ADAMTS12: variants seen among roughly 807,000 people sequenced by gnomAD.
ADAMTS12 encodes A disintegrin and metalloproteinase with thrombospondin motifs 12.
Under a neutral mutation model 167.8 loss-of-function variants are expected in ADAMTS12, and 118 were observed. The observed-to-expected ratio is 0.70, with a 90% CI of 0.61 to 0.82. ADAMTS12 has a LOEUF of 0.82. Among genes scored for constraint, ADAMTS12 ranks in the 40% least tolerant of loss-of-function variants. The probability of loss-of-function intolerance (pLI) is 0.00; values close to 1 mark genes in which losing one functional copy is unlikely to be tolerated. For synonymous variants in ADAMTS12, 704 were observed against 716.9 expected (o/e 0.98, Z 0.29); for missense variants, 1,916 against 1,998.8 (o/e 0.96, Z 0.79).
intron 2 of ADAMTS12, among the ~76,000 whole-genome samples, chr5:33,842,574 G>A (rs1748784274): frequency 6.6e-6 from 1 of 152,212 alleles, no homozygotes; most frequent in South Asian, 2.1e-4. Flanking sequence ...GCTGAAATTA[G>A]CACAAAGCTT....
chr5:33,649,626 C>T lies in ADAMTS12; in HGVS notation c.1262G>A (p.Arg421His), dbSNP rs550821902. Residue 421 changes from arginine (R) to histidine (H), a missense_variant, in exon 8 of 24, where the codon CGC becomes CAC. Physicochemically the swap from Arg to His is conservative, Grantham distance 29 (BLOSUM62 0). Transcript: ENST00000504830. Reference sequence around the variant, plus strand: ...CGGAGTGGGATCGTACTGGAGCTGGCGGGACATGATGTACGGATGTCTGCC... The same window carrying T: ...CGGAGTGGGATCGTACTGGAGCTGGTGGGACATGATGTACGGATGTCTGCC... ...PVGRHPYIMS[R>H]QLQYDPTPLT... The T allele has an allele frequency of 2.4e-5, 38 of 1,613,960 alleles. No homozygotes were observed. The highest frequency in any genetic ancestry group is 2.2e-4 in the Admixed American group (13 of 60,028).
intron 19 of ADAMTS12, among the ~76,000 whole-genome samples, chr5:33,565,538 A>G (rs2111908377): frequency 6.6e-6 from 1 of 152,338 alleles, no homozygotes; most frequent in Non-Finnish European, 1.5e-5. Flanking sequence ...ACTCTTGCCA[A>G]ATGTGGAGTT....
chr5:33,859,375 T>G lies in ADAMTS12; in HGVS notation c.489+21744A>C, dbSNP rs569656054. On this transcript the variant is annotated intron_variant, in intron 2 of 23. Coordinates refer to ENST00000504830, the MANE Select transcript of ADAMTS12 (RefSeq NM_030955.4). ...TGAGTAGGTGGTTTTCCCCTCACAG[T>G]GTAAACAAAGCTGCCAGGAAGATCA... Among the ~76,000 whole-genome samples, 3 of 152,318 alleles carry G rather than the reference T, an allele frequency of 2.0e-5. No homozygotes were observed. The South Asian group carries it at 6.2e-4, about 32-fold the overall frequency.
chr5:33,535,757 G>A (rs1744370179), intron 22 of ADAMTS12, among the ~76,000 whole-genome samples: 1 of 152,152 alleles, frequency 6.6e-6, no homozygotes, highest in African/African-American at 2.4e-5. Context: ...GCTGGGGATT[G>A]GATGTGAGGA....
intron 2 of ADAMTS12, among the ~76,000 whole-genome samples, chr5:33,783,133 A>G (rs904716443): frequency 6.6e-6 from 1 of 152,044 alleles, no homozygotes; most frequent in Non-Finnish European, 1.5e-5. Context: ...TTGAGAAATT[A>G]AACAATAAAC....
At chr5:33,703,804 C>T (rs1311532842) in intron 3 of ADAMTS12, among the ~76,000 whole-genome samples, 1 of 152,092 alleles carries the variant, frequency 6.6e-6, no homozygotes, top group East Asian at 1.9e-4. Context: ...TGAGCTTCTG[C>T]ACTAGGCCCA....
chr5:33,837,865 T>C (rs1463327377), intron 2 of ADAMTS12, among the ~76,000 whole-genome samples: 1 of 152,222 alleles, frequency 6.6e-6, no homozygotes, highest in Non-Finnish European at 1.5e-5. Context: ...AGATTTTCTG[T>C]TGAGCAAGCC....
rs140078265 is a variant in ADAMTS12, at chr5:33,524,366, A to G, written c.*2822T>C. On this transcript the variant is annotated 3_prime_UTR_variant, in exon 24 of 24. Coordinates refer to ENST00000504830, the MANE Select transcript of ADAMTS12 (RefSeq NM_030955.4). ...GAAGAGCTAAATATACTACTGTGAA[A>G]GACAACGTAAACCAAACTGGGTTTT... 2.3e-4 allele frequency: 35 copies of G among 152,340 alleles called. No individual in the cohort carries two copies. Among genetic ancestry groups the G allele is most frequent in the African/African-American group, 7.9e-4 (33 of 41,572 alleles). The allele number at this position is 152,340 out of a possible 1,614,324, so 9.4% of individuals were successfully genotyped here. A position where few individuals can be genotyped will look rare whatever the true frequency, so the allele number is the denominator to read the frequency against.
chr5:33,525,620 C>G lies in ADAMTS12; in HGVS notation c.*1568G>C, dbSNP rs953547401. ...TTCTGCCACCATCTAGATATTAGCA[C>G]CATTTTTTTAATAGCACCATTCTGC... On this transcript the variant is annotated 3_prime_UTR_variant, in exon 24 of 24. Transcript: ENST00000504830. The G allele has an allele frequency of 6.6e-6, 1 of 152,106 alleles. No individual in the cohort carries two copies. Among genetic ancestry groups the G allele is most frequent in the Non-Finnish European group, 1.5e-5 (1 of 68,026 alleles). 9.4% of individuals were successfully genotyped at this position (152,106 alleles called of 1,614,324 possible).
intron 2 of ADAMTS12, among the ~76,000 whole-genome samples, chr5:33,793,130 T>C (rs1212810356): frequency 6.6e-6 from 1 of 152,238 alleles, no homozygotes; most frequent in Non-Finnish European, 1.5e-5. Flanking sequence ...TCTTCCTCAA[T>C]TACGGCTATC....
chr5:33,806,734 G>A (rs999938489), intron 2 of ADAMTS12, among the ~76,000 whole-genome samples: 1 of 152,140 alleles, frequency 6.6e-6, no homozygotes, highest in Non-Finnish European at 1.5e-5. Context: ...TGGGGAGGAG[G>A]GGAGTTTACA....
chr5:33,565,797 C>G (rs914448756), intron 19 of ADAMTS12, among the ~76,000 whole-genome samples: 1 of 150,194 alleles, frequency 6.7e-6, no homozygotes, highest in East Asian at 2.0e-4. Flanking sequence ...ATAATCAAAA[C>G]GTGTTAATTA....
chr5:33,678,618 G>C (rs769476214), intron 5 of ADAMTS12, among the ~76,000 whole-genome samples: 12 of 152,234 alleles, frequency 7.9e-5, no homozygotes, highest in South Asian at 2.1e-4. Flanking sequence ...CAAGACCAGA[G>C]GCAGGCCTTG....
At chr5:33,745,446 A>T (rs535374317) in intron 3 of ADAMTS12, among the ~76,000 whole-genome samples, 1 of 152,286 alleles carries the variant, frequency 6.6e-6, no homozygotes, top group East Asian at 1.9e-4. Context: ...GGTGAAACTG[A>T]TCCTTTGCTC....
intron 2 of ADAMTS12, among the ~76,000 whole-genome samples, chr5:33,832,211 G>C (rs975506055): frequency 7.9e-5 from 12 of 152,334 alleles, no homozygotes; most frequent in African/African-American, 2.9e-4. Flanking sequence ...GTTGGTGATT[G>C]AAATAATTAG....
Position 33,826,572 on chromosome 5 carries a change from ATGTG to A in ADAMTS12, c.489+54543_489+54546del, listed in dbSNP as rs1167799671. Among the ~76,000 whole-genome samples, 327 of 70,188 alleles carry A rather than the reference ATGTG, an allele frequency of 4.7e-3. 3 individuals carry two copies. Among genetic ancestry groups the A allele is most frequent in the African/African-American group, 0.016 (322 of 20,176 alleles). 46.0% of individuals were successfully genotyped at this position (70,188 alleles called of 152,430 possible). A position where few individuals can be genotyped will look rare whatever the true frequency, so the allele number is the denominator to read the frequency against. ...AACAGAAATATGTTTATGTATGTGTATGTGTGTGTGTGTGTATATATATATATAT... is the reference window on the plus strand; with the variant it reads ...AACAGAAATATGTTTATGTATGTGTATGTGTGTGTGTATATATATATATAT... On this transcript the variant is annotated intron_variant, in intron 2 of 23. Transcript: ENST00000504830.
Position 33,879,168 on chromosome 5 carries a change from G to A in ADAMTS12, c.489+1951C>T, listed in dbSNP as rs140865279. On this transcript the variant is annotated intron_variant, in intron 2 of 23. Coordinates refer to ENST00000504830, the MANE Select transcript of ADAMTS12 (RefSeq NM_030955.4). Reference sequence around the variant, plus strand: ...CTTTAAGTGGGTTAACCGTATATATGTGAATTATATCTCAGTAAAGCAGCT... The same window carrying A: ...CTTTAAGTGGGTTAACCGTATATATATGAATTATATCTCAGTAAAGCAGCT... 7.1e-3 allele frequency among the ~76,000 whole-genome samples: 1,076 copies of A among 152,236 alleles called. 15 individuals are homozygous for A. The highest frequency in any genetic ancestry group is 0.025 in the African/African-American group (1,032 of 41,538).
intron 2 of ADAMTS12, among the ~76,000 whole-genome samples, chr5:33,780,021 G>T (rs1319696450): frequency 1.3e-5 from 2 of 152,154 alleles, no homozygotes; most frequent in African/African-American, 2.4e-5. Flanking sequence ...TGAGATGATG[G>T]ATATGTGAAT....
chr5:33,806,148 A>G (rs1747221257), intron 2 of ADAMTS12, among the ~76,000 whole-genome samples: 1 of 152,210 alleles, frequency 6.6e-6, no homozygotes, highest in South Asian at 2.1e-4. Context: ...CAGCTTACTC[A>G]TTAGTTATAT....
Sources: allele counts gnomAD v4.1 joint callset (sites outside exome capture counted in the v4.1 genomes callset), GRCh38; gene constraint gnomAD v4.1.1; transcripts MANE v1.5; gene names NCBI Gene and HGNC (gene_info 2026-07-23, HGNC 2026-07-21).